CNTN3: variants seen among roughly 807,000 people sequenced by gnomAD.
The protein encoded by CNTN3 is contactin 3, also known as contactin-3.
A neutral mutation model predicts 119.1 loss-of-function variants in CNTN3; 60 were observed. The ratio of observed to expected loss-of-function variants is 0.50; its 90% CI spans 0.41 to 0.62. The LOEUF (loss-of-function observed/expected upper bound fraction) is 0.62. Ranked by LOEUF, CNTN3 falls within the 20% of genes least tolerant of loss-of-function variation. The pLI, the probability that CNTN3 is intolerant of heterozygous loss-of-function variation, is 0.00. For synonymous variants in CNTN3, 450 were observed against 438.7 expected (o/e 1.03, Z -0.32); for missense variants, 1,101 against 1,242.4 (o/e 0.89, Z 1.71).
chr3:74,465,422 C>A (rs957741854), intron 4 of CNTN3, among the ~76,000 whole-genome samples: 1 of 152,194 alleles, frequency 6.6e-6, no homozygotes, highest in Admixed American at 6.5e-5. Flanking sequence ...AACAAAAAAC[C>A]TAGACCATAA....
At chr3:74,553,490 A>G (rs1403106708) in intron 1 of CNTN3, among the ~76,000 whole-genome samples, 2 of 152,194 alleles carry the variant, frequency 1.3e-5, no homozygotes, top group Admixed American at 6.5e-5. Context: ...TTCTAGTTCT[A>G]GATCCTTGAG....
intron 8 of CNTN3, among the ~76,000 whole-genome samples, chr3:74,366,997 T>C (rs1299050385): frequency 7.0e-6 from 1 of 142,884 alleles, no homozygotes; most frequent in Non-Finnish European, 1.5e-5. Flanking sequence ...CCCATAGTAA[T>C]ACTCTTCTTC....
chr3:74,386,683 C>T (rs1485566818), intron 5 of CNTN3, among the ~76,000 whole-genome samples: 4 of 152,188 alleles, frequency 2.6e-5, no homozygotes, highest in African/African-American at 9.7e-5. Context: ...CCTTTCCTCT[C>T]TATTCTTCAG....
chr3:74,451,364 T>G (rs1702150859), intron 4 of CNTN3, among the ~76,000 whole-genome samples: 1 of 152,162 alleles, frequency 6.6e-6, no homozygotes, highest in Admixed American at 6.5e-5. Flanking sequence ...TGGGGTTGTT[T>G]GTTTTTTTCT....
At chr3:74,340,981 G>A (rs1703521839) in intron 11 of CNTN3, among the ~76,000 whole-genome samples, 1 of 152,128 alleles carries the variant, frequency 6.6e-6, no homozygotes, top group Admixed American at 6.5e-5. Context: ...TGGTGTATTA[G>A]GTTTAGTAAC....
chr3:74,288,383 T>C (rs1702159165), intron 19 of CNTN3, among the ~76,000 whole-genome samples: 1 of 152,040 alleles, frequency 6.6e-6, no homozygotes, highest in South Asian at 2.1e-4. Flanking sequence ...GGACTCGAAC[T>C]CCTGACCTAA....
intron 20 of CNTN3, among the ~76,000 whole-genome samples, chr3:74,275,476 G>A (rs1209230967): frequency 6.6e-6 from 1 of 152,154 alleles, no homozygotes; most frequent in Non-Finnish European, 1.5e-5. Context: ...CAAGCTAGAA[G>A]GGATTGTGGC....
intron 4 of CNTN3, among the ~76,000 whole-genome samples, chr3:74,425,209 AG>A (rs1207239429): frequency 4.6e-5 from 7 of 152,092 alleles, no homozygotes; most frequent in Non-Finnish European, 7.4e-5. Context: ...CCCAACAGGT[AG>A]GTAGTTTTCT....
chr3:74,319,755 G>A (rs1469770489), intron 13 of CNTN3, among the ~76,000 whole-genome samples: 18 of 150,944 alleles, frequency 1.2e-4, no homozygotes, highest in Admixed American at 8.6e-4. Context: ...AAAAATTTTC[G>A]CAACCTACTC....
chr3:74,397,237 C>T (rs1376956138), intron 5 of CNTN3, among the ~76,000 whole-genome samples: 3 of 152,130 alleles, frequency 2.0e-5, no homozygotes, highest in Admixed American at 2.0e-4. Flanking sequence ...TTGTTTACAG[C>T]AATGGTTTAC....
intron 8 of CNTN3, 152 bp downstream of exon 8, chr3:74,369,037 A>G (rs1704270101): frequency 2.1e-6 from 1 of 483,962 alleles, no homozygotes; most frequent in Non-Finnish European, 3.4e-6. Flanking sequence ...AATTCCCCCT[A>G]TGATCAATGT....
chr3:74,342,044 GA>G (rs1171358637), intron 11 of CNTN3, among the ~76,000 whole-genome samples: 2 of 151,992 alleles, frequency 1.3e-5, no homozygotes, highest in Admixed American at 1.3e-4. Context: ...GGTACTTTCT[GA>G]GTACATATTC....
chr3:74,414,954 C>T (rs184886752), intron 5 of CNTN3, among the ~76,000 whole-genome samples: 1 of 148,186 alleles, frequency 6.7e-6, no homozygotes, highest in Admixed American at 6.9e-5. Context: ...GAGACAAAGC[C>T]TTTACCATTC....
intron 4 of CNTN3, among the ~76,000 whole-genome samples, chr3:74,472,075 T>A (rs1486558083): frequency 6.6e-6 from 1 of 152,190 alleles, no homozygotes; most frequent in African/African-American, 2.4e-5. Flanking sequence ...TTATGTCTGG[T>A]GGCTATGCTA....
intron 11 of CNTN3, among the ~76,000 whole-genome samples, chr3:74,358,971 T>C (rs1704013956): frequency 6.6e-6 from 1 of 152,050 alleles, no homozygotes; most frequent in Admixed American, 6.5e-5. Flanking sequence ...TAGTATTCCA[T>C]GGTGTGTATG....
intron 3 of CNTN3, among the ~76,000 whole-genome samples, chr3:74,493,597 A>G (rs1265043257): frequency 6.6e-6 from 1 of 152,160 alleles, no homozygotes; most frequent in African/African-American, 2.4e-5. Flanking sequence ...TCAACAGGCA[A>G]TACTTTATTT....
rs370415241 is a variant in CNTN3, at chr3:74,438,277, G to C, written c.359-13337C>G. On this transcript the variant is annotated intron_variant, in intron 4 of 22. Transcript: ENST00000263665. ...TGGTAATATCCACCACTCTGTGATT[G>C]AATCTCTCTGTGATTTTGCACAAAT... Among the ~76,000 whole-genome samples the C allele has an allele frequency of 6.1e-4, 93 of 152,270 alleles. 4 individuals carry two copies. In the East Asian group the frequency reaches 8.5e-3, roughly 14 times the overall value.
At chr3:74,272,268 A>G (rs965570246) in intron 20 of CNTN3, among the ~76,000 whole-genome samples, 17 of 152,208 alleles carry the variant, frequency 1.1e-4, no homozygotes, top group African/African-American at 4.1e-4. Context: ...CCTGAGCCAC[A>G]TGTGGCTCTC....
intron 1 of CNTN3, among the ~76,000 whole-genome samples, chr3:74,564,846 A>G (rs1383298560): frequency 6.6e-6 from 1 of 152,008 alleles, no homozygotes; most frequent in Non-Finnish European, 1.5e-5. Context: ...TACTGCTTGC[A>G]ATTAAGAACT....
Sources: allele counts gnomAD v4.1 joint callset (sites outside exome capture counted in the v4.1 genomes callset), GRCh38; gene constraint gnomAD v4.1.1; transcripts MANE v1.5; gene names NCBI Gene and HGNC (gene_info 2026-07-23, HGNC 2026-07-21).